ZFHX3: variants seen among roughly 807,000 people sequenced by gnomAD.
ZFHX3 encodes the protein zinc finger homeobox protein 3.
In ZFHX3, 42 loss-of-function variants were observed where a neutral mutation model predicts 279.1. That is an observed-to-expected ratio of 0.15 (90% CI 0.12 to 0.19). The LOEUF (loss-of-function observed/expected upper bound fraction) is 0.19, where lower values mean the gene tolerates loss of function less well. ZFHX3 is among the 10% of genes least tolerant of loss of function. The pLI is 1.00. For synonymous variants in ZFHX3, 2,293 were observed against 1,957.8 expected, an observed-to-expected ratio of 1.17 and a Z score of -4.52; for missense variants, 4,981 against 4,754.0, an observed-to-expected ratio of 1.05 and a Z score of -1.40.
chr16:73,603,709 C>A (rs2052147671), intron 2 of ZFHX3, among the ~76,000 whole-genome samples: 1 of 150,306 alleles, frequency 6.7e-6, no homozygotes, highest in Non-Finnish European at 1.5e-5. Flanking sequence ...ATTATTATAT[C>A]ATTATGAAAT....
chr16:72,938,732 C>T (rs539595750), intron 3 of ZFHX3, among the ~76,000 whole-genome samples: 2 of 152,228 alleles, frequency 1.3e-5, no homozygotes, highest in African/African-American at 4.8e-5. Context: ...TGAAGAGAGC[C>T]GAGTATGGAT....
intron 1 of ZFHX3, among the ~76,000 whole-genome samples, chr16:72,961,301 T>C (rs1961566593): frequency 6.6e-6 from 1 of 152,200 alleles, no homozygotes; most frequent in African/African-American, 2.4e-5. Flanking sequence ...GGCTTTTCCA[T>C]TTCCGACTCC....
intron 4 of ZFHX3, among the ~76,000 whole-genome samples, chr16:73,313,973 C>T (rs144856110): frequency 6.6e-6 from 1 of 152,270 alleles, no homozygotes; most frequent in East Asian, 1.9e-4. Flanking sequence ...GTGGCACACA[C>T]CTGTAGTCCC....
At chr16:73,313,132 G>T (rs1297920856) in intron 4 of ZFHX3, among the ~76,000 whole-genome samples, 1 of 152,068 alleles carries the variant, frequency 6.6e-6, no homozygotes, top group East Asian at 1.9e-4. Context: ...AAAAGTGTGT[G>T]GCACCTCCCC....
At chr16:73,285,660 G>C (rs1424048876) in intron 4 of ZFHX3, among the ~76,000 whole-genome samples, 3 of 152,186 alleles carry the variant, frequency 2.0e-5, no homozygotes, top group African/African-American at 7.2e-5. Context: ...ATGTCCGTCA[G>C]GGAAATATAT....
intron 1 of ZFHX3, among the ~76,000 whole-genome samples, chr16:73,689,819 T>G (rs946049450): frequency 4.8e-5 from 7 of 144,644 alleles, no homozygotes; most frequent in Non-Finnish European, 1.1e-4. Flanking sequence ...TGTTTTTTGT[T>G]TTTTTTGTTG....
At chr16:73,577,665 C>T (rs1029826296) in intron 2 of ZFHX3, among the ~76,000 whole-genome samples, 1 of 152,226 alleles carries the variant, frequency 6.6e-6, no homozygotes, top group South Asian at 2.1e-4. Flanking sequence ...GATCAGGGGA[C>T]TGAAGGTATA....
chr16:73,260,900 TCTCGAACTCCTGAC>T (rs2013806659), intron 4 of ZFHX3, among the ~76,000 whole-genome samples: 1 of 152,082 alleles, frequency 6.6e-6, no homozygotes, highest in East Asian at 1.9e-4. Context: ...GGCAGGCTGG[TCTCGAACTCCTGAC>T]CTCAGGTGAT....
chr16:73,264,804 G>A (rs1043965756), intron 4 of ZFHX3, among the ~76,000 whole-genome samples: 1 of 151,974 alleles, frequency 6.6e-6, no homozygotes. Flanking sequence ...TCAGAGCTTA[G>A]CTCTCACTTA....
In ZFHX3 at chr16:73,651,748, G is replaced by A. The variant is rs535698994; in HGVS notation, c.-1547+28432C>T. On this transcript the variant is annotated intron_variant, in intron 2 of 17. Transcript: ENST00000641206. The stretch of plus-strand genomic sequence containing the variant: ...CAGGCTCCTGTAGTCCCAGCTACTC[G>A]GGAGGCTGACTCAGGAGAATGGCAT... Among the ~76,000 whole-genome samples the A allele has an allele frequency of 2.4e-3, 357 of 148,054 alleles. 1 individual carries two copies. Among genetic ancestry groups the A allele is most frequent in the Non-Finnish European group, 3.5e-3 (236 of 67,340 alleles).
At chr16:73,153,522 C>T (rs1036509133) in intron 5 of ZFHX3, among the ~76,000 whole-genome samples, 11 of 152,214 alleles carry the variant, frequency 7.2e-5, no homozygotes, top group Non-Finnish European at 1.6e-4. Context: ...CCTTCCTTCC[C>T]TTGTGTGAGC....
intron 2 of ZFHX3, among the ~76,000 whole-genome samples, chr16:73,593,760 A>C (rs1319905814): frequency 6.6e-6 from 1 of 152,180 alleles, no homozygotes; most frequent in Non-Finnish European, 1.5e-5. Context: ...ACTGTACTGT[A>C]AGTCACCACA....
chr16:72,940,074 T>C (rs998562327), intron 3 of ZFHX3, among the ~76,000 whole-genome samples: 3 of 151,868 alleles, frequency 2.0e-5, no homozygotes, highest in African/African-American at 7.3e-5. Context: ...CACACCTGGC[T>C]AATTTTTTAA....
At chr16:73,617,838 G>A (rs1019906366) in intron 2 of ZFHX3, among the ~76,000 whole-genome samples, 5 of 151,956 alleles carry the variant, frequency 3.3e-5, no homozygotes, top group Non-Finnish European at 5.9e-5. Flanking sequence ...AAATGACAAC[G>A]CCTCCCTTCA....
chr16:72,954,318 C>T (rs1193690681), intron 2 of ZFHX3, among the ~76,000 whole-genome samples: 2 of 152,180 alleles, frequency 1.3e-5, no homozygotes, highest in South Asian at 2.1e-4. Context: ...TGCAGTGAGC[C>T]GAGACTGCGC....
At chr16:73,664,308 A>G (rs780251113) in intron 2 of ZFHX3, among the ~76,000 whole-genome samples, 6 of 152,218 alleles carry the variant, frequency 3.9e-5, no homozygotes, top group Non-Finnish European at 5.9e-5. Context: ...TGAAAAACAA[A>G]GAACTACCAT....
chr16:73,048,721 T>C (rs546158392), upstream of ZFHX3, among the ~76,000 whole-genome samples: 4 of 152,356 alleles, frequency 2.6e-5, no homozygotes, highest in Admixed American at 1.3e-4. Flanking sequence ...CAGGAATTTA[T>C]TGGAAACACA....
chr16:73,562,917 C>T (rs533032862), intron 2 of ZFHX3, among the ~76,000 whole-genome samples: 2 of 152,132 alleles, frequency 1.3e-5, no homozygotes, highest in African/African-American at 4.8e-5. Flanking sequence ...AAGGCTACTG[C>T]GCCATTACAG....
chr16:72,800,353 A>G (rs1411561018), intron 7 of ZFHX3, among the ~76,000 whole-genome samples: 1 of 152,218 alleles, frequency 6.6e-6, no homozygotes, highest in African/African-American at 2.4e-5. Flanking sequence ...GCACACTTGA[A>G]GAATAATCTT....
Sources: allele counts gnomAD v4.1 joint callset (sites outside exome capture counted in the v4.1 genomes callset), GRCh38; gene constraint gnomAD v4.1.1; transcripts MANE v1.5; gene names NCBI Gene and HGNC (gene_info 2026-07-23, HGNC 2026-07-21).